The following CNTN5 variants were observed in gnomAD, a reference collection of about 807,000 sequenced individuals.
CNTN5 encodes contactin 5.
In CNTN5, 77 loss-of-function variants were observed where a neutral mutation model predicts 129.1. That is an observed-to-expected ratio of 0.60 (90% confidence interval 0.50 to 0.72). The LOEUF (loss-of-function observed/expected upper bound fraction) is 0.72, where lower values mean the gene tolerates loss of function less well. CNTN5 is among the 30% of genes least tolerant of loss of function. The pLI is 0.00. For synonymous variants in CNTN5, 509 were observed against 465.6 expected, an observed-to-expected ratio of 1.09 and a Z score of -1.20; for missense variants, 1,478 against 1,328.8, an observed-to-expected ratio of 1.11 and a Z score of -1.75.
chr11:99,590,077 G>A (rs657807), intron 3 of CNTN5, among the ~76,000 whole-genome samples: 31,793 of 151,980 alleles, frequency 0.21, 4,028 homozygotes, highest in Middle Eastern at 0.31. Context: ...ATCATCCAGA[G>A]GAAGATAAAC....
intron 3 of CNTN5, among the ~76,000 whole-genome samples, chr11:99,629,692 A>G (rs1340748315): frequency 2.0e-5 from 3 of 151,100 alleles, no homozygotes; most frequent in East Asian, 3.9e-4. Context: ...CTCGATGTTT[A>G]TGTAAATATT....
intron 3 of CNTN5, among the ~76,000 whole-genome samples, chr11:99,580,460 T>C (rs1949536981): frequency 6.6e-6 from 1 of 152,210 alleles, no homozygotes; most frequent in Admixed American, 6.5e-5. Flanking sequence ...CATCTGGTCC[T>C]GGACTTTTTT....
At chr11:99,718,397 G>T (rs1242254588) in intron 3 of CNTN5, among the ~76,000 whole-genome samples, 2 of 152,236 alleles carry the variant, frequency 1.3e-5, no homozygotes, top group South Asian at 2.1e-4. Flanking sequence ...TGTTTTCAGA[G>T]ATTTTAATTC....
At position 99,556,146 on chromosome 11, in the gene CNTN5, G is replaced by A. The variant is rs1948655751; in HGVS notation, c.-69G>A. ...AAAATTGTTATCTATCTCAAACAGGGCACTCTTTAATGAAGAAACACCAGA... is the reference window on the plus strand; with the variant it reads ...AAAATTGTTATCTATCTCAAACAGGACACTCTTTAATGAAGAAACACCAGA... On this transcript the variant is annotated splice_region_variant and 5_prime_UTR_variant, in exon 3 of 25. Coordinates refer to ENST00000524871, the MANE Select transcript of CNTN5 (RefSeq NM_014361.4). 1.4e-5 allele frequency: 12 copies of A among 840,974 alleles called. No homozygotes were observed. 52.1% of individuals were successfully genotyped at this position (840,974 alleles called of 1,614,324 possible).
intron 3 of CNTN5, among the ~76,000 whole-genome samples, chr11:99,765,470 AG>A (rs1429988247): frequency 6.6e-6 from 1 of 151,928 alleles, no homozygotes; most frequent in African/African-American, 2.4e-5. Context: ...TAAGTTAATC[AG>A]GCTAATCTAT....
chr11:100,092,561 A>C (rs1348349598), intron 13 of CNTN5, among the ~76,000 whole-genome samples: 2 of 152,170 alleles, frequency 1.3e-5, no homozygotes, highest in Non-Finnish European at 2.9e-5. Flanking sequence ...AATCATCTTA[A>C]CTAAACCCTT....
At chr11:99,634,872 G>T (rs907889698) in intron 3 of CNTN5, among the ~76,000 whole-genome samples, 1 of 152,162 alleles carries the variant, frequency 6.6e-6, no homozygotes, top group Non-Finnish European at 1.5e-5. Context: ...TCCACCCATA[G>T]CACCTGTTTG....
chr11:99,610,406 T>C (rs1025963766), intron 3 of CNTN5, among the ~76,000 whole-genome samples: 3 of 152,094 alleles, frequency 2.0e-5, no homozygotes, highest in Non-Finnish European at 4.4e-5. Context: ...AGACATAACA[T>C]GATGAGAAAT....
intron 1 of CNTN5, among the ~76,000 whole-genome samples, chr11:99,246,155 C>T (rs1474666516): frequency 6.6e-6 from 1 of 152,118 alleles, no homozygotes; most frequent in Non-Finnish European, 1.5e-5. Context: ...TGAAACATAT[C>T]TTCACATGTC....
chr11:99,837,348 G>A (rs1947339511), intron 4 of CNTN5, among the ~76,000 whole-genome samples: 1 of 152,002 alleles, frequency 6.6e-6, no homozygotes, highest in African/African-American at 2.4e-5. Flanking sequence ...TGTTTCTTTT[G>A]TATTCACATC....
intron 12 of CNTN5, among the ~76,000 whole-genome samples, chr11:100,072,428 G>C (rs1321045176): frequency 3.3e-5 from 5 of 152,130 alleles, no homozygotes; most frequent in Admixed American, 3.3e-4. Flanking sequence ...AAATACTACA[G>C]GAAACAATCC....
intron 8 of CNTN5, among the ~76,000 whole-genome samples, chr11:99,960,064 T>G (rs779625457): frequency 2.0e-5 from 3 of 152,198 alleles, no homozygotes; most frequent in African/African-American, 7.2e-5. Flanking sequence ...TTCCCTTTTT[T>G]GTTGTTGTTG....
intron 3 of CNTN5, among the ~76,000 whole-genome samples, chr11:99,639,499 C>G (rs1472277370): frequency 1.3e-5 from 2 of 150,188 alleles, no homozygotes; most frequent in Non-Finnish European, 3.0e-5. Context: ...ATTTTCCAAA[C>G]TTGTATGCTC....
rs189198121 is a variant in CNTN5, at chr11:99,853,485, C to T, written c.577+8223C>T. On this transcript the variant is annotated intron_variant, in intron 6 of 24. Transcript: ENST00000524871. ...TGCATTCTCGGCTCACTGCAACCTCCGCCTCCCAGGTTCAAGCGATTCTCC... is the reference window on the plus strand; with the variant it reads ...TGCATTCTCGGCTCACTGCAACCTCTGCCTCCCAGGTTCAAGCGATTCTCC... 9.2e-5 allele frequency among the ~76,000 whole-genome samples: 14 copies of T among 152,072 alleles called. No individual in the cohort carries two copies. The East Asian group carries it at 2.7e-3, about 29-fold the overall frequency.
chr11:99,178,135 G>T (rs997308908), intron 1 of CNTN5, among the ~76,000 whole-genome samples: 1 of 151,468 alleles, frequency 6.6e-6, no homozygotes, highest in East Asian at 2.0e-4. Context: ...CTAAGAAATG[G>T]TATAGACTCA....
At chr11:99,607,844 G>T (rs558643712) in intron 3 of CNTN5, among the ~76,000 whole-genome samples, 6 of 129,050 alleles carry the variant, frequency 4.6e-5, no homozygotes, top group African/African-American at 1.7e-4. Context: ...GTAAACTATC[G>T]CAAGAACAAA....
intron 1 of CNTN5, among the ~76,000 whole-genome samples, chr11:99,192,380 G>A (rs1858687719): frequency 6.6e-6 from 1 of 151,706 alleles, no homozygotes; most frequent in Non-Finnish European, 1.5e-5. Flanking sequence ...AGCCAATCAT[G>A]TAGGCTACTT....
At chr11:99,875,053 C>T (rs948691618) in intron 6 of CNTN5, among the ~76,000 whole-genome samples, 9 of 152,064 alleles carry the variant, frequency 5.9e-5, no homozygotes, top group South Asian at 2.1e-4. Flanking sequence ...ATTGCTGTAG[C>T]GTTAGTAAGA....
intron 16 of CNTN5, among the ~76,000 whole-genome samples, chr11:100,249,726 C>G (rs78120035): frequency 2.0e-5 from 3 of 152,010 alleles, no homozygotes; most frequent in African/African-American, 7.2e-5. Flanking sequence ...TTTAGGAGAA[C>G]CTTTCCTCCC....
Sources: gnomAD v4.1 joint callset for allele counts (sites outside exome capture counted in the v4.1 genomes callset) on GRCh38, gnomAD v4.1.1 for gene constraint, MANE v1.5 for transcripts, NCBI Gene and HGNC (gene_info 2026-07-23, HGNC 2026-07-21) for gene names.